USP32: variants seen among roughly 807,000 people sequenced by gnomAD.
The protein encoded by USP32 is ubiquitin carboxyl-terminal hydrolase 32.
USP32 carries 59 observed loss-of-function variants against 204.8 expected under a neutral mutation model. The ratio of observed to expected loss-of-function variants is 0.29; its 90% CI spans 0.23 to 0.36. USP32 has a LOEUF of 0.36. Ranked by LOEUF, USP32 falls within the 10% of genes least tolerant of loss-of-function variation. The pLI, the probability that USP32 is intolerant of heterozygous loss-of-function variation, is 1.00. For missense variants in USP32, 1,160 were observed against 1,946.4 expected, an observed-to-expected ratio of 0.60 and a Z score of 7.60; for synonymous variants, 517 against 678.4, an observed-to-expected ratio of 0.76 and a Z score of 3.70.
At chr17:60,256,547 C>G (rs1049207549) in intron 9 of USP32, 6 of 273,752 alleles carry the variant, frequency 2.2e-5, no homozygotes, top group Admixed American at 6.5e-5. Flanking sequence ...GGGCCACTAT[C>G]TGTGTGGAGT....
At chr17:60,239,938 T>C (rs1050063866) in intron 11 of USP32, among the ~76,000 whole-genome samples, 1 of 152,196 alleles carries the variant, frequency 6.6e-6, no homozygotes, top group Non-Finnish European at 1.5e-5. Context: ...GGTTTTACCA[T>C]GTTGGCCAGG....
chr17:60,180,425 A>C (rs575556822), intron 33 of USP32, 120 bp downstream of exon 33: 4 of 1,137,252 alleles, frequency 3.5e-6, no homozygotes, highest in Non-Finnish European at 5.1e-6. Context: ...GCATCTATAT[A>C]TTGATTCTAA....
chr17:60,258,473 T>G (rs1045608910), intron 9 of USP32: 8 of 158,762 alleles, frequency 5.0e-5, no homozygotes, highest in African/African-American at 1.9e-4. Context: ...CATCAGTGTT[T>G]GTTGGATCCC....
intron 1 of USP32, among the ~76,000 whole-genome samples, chr17:60,364,238 T>C (rs1429916360): frequency 2.0e-5 from 3 of 152,196 alleles, no homozygotes; most frequent in Non-Finnish European, 4.4e-5. Flanking sequence ...AGAGCCCTCA[T>C]GAAGTAATCA....
chr17:60,222,608 A>G, intron 14 of USP32, 59 bp from the exon 15 acceptor site: 1 of 1,544,432 alleles, frequency 6.5e-7, no homozygotes, highest in Admixed American at 1.7e-5. Context: ...TTTGGGTCTC[A>G]GCAATACCTA....
chr17:60,213,133 G>C (rs182228559), intron 18 of USP32, among the ~76,000 whole-genome samples: 6,039 of 152,264 alleles, frequency 0.04, 437 homozygotes, highest in African/African-American at 0.14. Flanking sequence ...GTTTTTAATG[G>C]CATGTGCATG....
chr17:60,421,229 G>C (rs1468573293), intron 1 of USP32: 1 of 418,574 alleles, frequency 2.4e-6, no homozygotes, highest in East Asian at 1.6e-4. Flanking sequence ...TAAGTGGAAG[G>C]TTTATTCCTC....
intron 1 of USP32, among the ~76,000 whole-genome samples, chr17:60,402,846 G>A (rs1490721073): frequency 6.6e-6 from 1 of 152,150 alleles, no homozygotes; most frequent in African/African-American, 2.4e-5. Context: ...TCTCACTCAT[G>A]TCTGCCAGTT....
At chr17:60,222,322 G>C in intron 15 of USP32, 87 bp downstream of exon 15, 2 of 1,455,506 alleles carry the variant, frequency 1.4e-6, no homozygotes, top group Non-Finnish European at 1.9e-6. Context: ...GAGCTACTTT[G>C]TGGTTAGTGA....
intron 1 of USP32, among the ~76,000 whole-genome samples, chr17:60,414,307 G>A (rs2090043022): frequency 6.6e-6 from 1 of 151,146 alleles, no homozygotes; most frequent in Admixed American, 6.6e-5. Flanking sequence ...AGGTTGCAGT[G>A]AGCTGAGATC....
At chr17:60,300,345 A>T (rs1280056754) in intron 3 of USP32, among the ~76,000 whole-genome samples, 1 of 151,690 alleles carries the variant, frequency 6.6e-6, no homozygotes, top group Non-Finnish European at 1.5e-5. Flanking sequence ...TGAACTTTTT[A>T]AAAGTAAATA....
At chr17:60,210,987 C>T (rs1163955688) in intron 21 of USP32, 26 bp downstream of exon 21, 17 of 1,574,346 alleles carry the variant, frequency 1.1e-5, no homozygotes, top group Non-Finnish European at 1.5e-5. Flanking sequence ...GAATTAAATA[C>T]TTTTATATTA....
chr17:60,308,743 C>T (rs1428264958), intron 2 of USP32, among the ~76,000 whole-genome samples: 3 of 152,164 alleles, frequency 2.0e-5, no homozygotes, highest in Non-Finnish European at 4.4e-5. Context: ...GCCTGGCCAA[C>T]ATGGCAAAAC....
chr17:60,325,900 G>A (rs2088222162), intron 2 of USP32, among the ~76,000 whole-genome samples: 1 of 150,094 alleles, frequency 6.7e-6, no homozygotes, highest in Non-Finnish European at 1.5e-5. Flanking sequence ...TTGCACTCCA[G>A]CCTAGGTGAT....
chr17:60,301,763 G>A, intron 2 of USP32, 59 bp from the exon 3 acceptor site: 1 of 1,234,350 alleles, frequency 8.1e-7, no homozygotes, highest in Non-Finnish European at 1.2e-6. Context: ...GGAATCTGAG[G>A]CAGCTATCAT....
intron 1 of USP32, among the ~76,000 whole-genome samples, chr17:60,382,503 A>G (rs1043652321): frequency 2.0e-5 from 3 of 152,174 alleles, no homozygotes; most frequent in East Asian, 3.8e-4. Flanking sequence ...CAAAAACAAA[A>G]GACTAAGAAA....
At chr17:60,409,347 C>CAAAAA (rs1338410256) in intron 1 of USP32, among the ~76,000 whole-genome samples, 3 of 152,154 alleles carry the variant, frequency 2.0e-5, no homozygotes, top group African/African-American at 4.8e-5. Flanking sequence ...GACTCCGTCT[C>CAAAAA]AAAAACAAAA....
intron 1 of USP32, among the ~76,000 whole-genome samples, chr17:60,404,627 C>G (rs2089961504): frequency 6.6e-6 from 1 of 152,136 alleles, no homozygotes; most frequent in African/African-American, 2.4e-5. Flanking sequence ...CATCTTGAAG[C>G]TATGTATGGT....
In USP32 at chr17:60,219,561, C is replaced by CTT. The variant is rs751193414; in HGVS notation, c.1867+107_1867+108dup. On this transcript the variant is annotated intron_variant, in intron 16 of 33. Coordinates refer to ENST00000300896, the MANE Select transcript of USP32 (RefSeq NM_032582.4). ...AGACTTCGAGCAACGTAGTTTTCAC[C>CTT]TTTTTTTTTTTTTTTTTTTTTTTTT... 3,612 of 688,124 alleles carry CTT rather than the reference C, an allele frequency of 5.2e-3. 9 individuals are homozygous for CTT. Among genetic ancestry groups the CTT allele is most frequent in the South Asian group, 0.011 (558 of 51,444 alleles). The allele number at this position is 688,124 out of a possible 1,614,324, so 42.6% of individuals were successfully genotyped here.
Sources: gnomAD v4.1 joint callset for allele counts (sites outside exome capture counted in the v4.1 genomes callset) on GRCh38, gnomAD v4.1.1 for gene constraint, MANE v1.5 for transcripts, NCBI Gene and HGNC (gene_info 2026-07-23, HGNC 2026-07-21) for gene names.